Variants in DCC observed in about 807,000 individuals in gnomAD.
DCC encodes netrin receptor DCC.
In DCC, 58 loss-of-function variants were observed where a neutral mutation model predicts 172.5. The observed-to-expected ratio is 0.34, with a 90% CI of 0.27 to 0.42. The LOEUF (loss-of-function observed/expected upper bound fraction) is 0.42, where lower values mean the gene tolerates loss of function less well. DCC is among the 10% of genes least tolerant of loss of function. The probability of loss-of-function intolerance (pLI) is 1.00; values close to 1 mark genes in which losing one functional copy is unlikely to be tolerated. For missense variants in DCC, 1,740 were observed against 1,791.0 expected (o/e 0.97, Z 0.51); for synonymous variants, 709 against 644.5 (o/e 1.10, Z -1.52).
At chr18:52,945,047 G>T (rs144327013) in intron 5 of DCC, among the ~76,000 whole-genome samples, 21 of 152,040 alleles carry the variant, frequency 1.4e-4, no homozygotes, top group African/African-American at 4.8e-4. Flanking sequence ...GCACAATATG[G>T]GATAAATATC....
At chr18:53,265,879 C>T (rs2056667779) in intron 12 of DCC, among the ~76,000 whole-genome samples, 1 of 152,176 alleles carries the variant, frequency 6.6e-6, no homozygotes. Flanking sequence ...TACCTCTGTT[C>T]TTCAAGGTTC....
intron 3 of DCC, among the ~76,000 whole-genome samples, chr18:52,921,432 C>A (rs1443318177): frequency 6.6e-6 from 1 of 152,054 alleles, no homozygotes; most frequent in Non-Finnish European, 1.5e-5. Flanking sequence ...GGCTTGGTGG[C>A]TCACGCCTGT....
chr18:53,505,488 G>T (rs894521289), intron 27 of DCC, among the ~76,000 whole-genome samples: 1 of 152,172 alleles, frequency 6.6e-6, no homozygotes, highest in African/African-American at 2.4e-5. Flanking sequence ...CTTCTTTTGG[G>T]GAGGGAGTGA....
intron 8 of DCC, 113 bp from the exon 9 acceptor site, chr18:53,178,849 T>C (rs1439829581): frequency 6.8e-6 from 7 of 1,031,236 alleles, no homozygotes; most frequent in Admixed American, 5.7e-5. Context: ...GAGTCAACAT[T>C]AGATGAGTGA....
At chr18:52,849,506 A>C (rs1255496476) in intron 2 of DCC, among the ~76,000 whole-genome samples, 4 of 152,240 alleles carry the variant, frequency 2.6e-5, no homozygotes, top group Non-Finnish European at 5.9e-5. Flanking sequence ...TAAATCCAGC[A>C]ACTGTTAACC....
At chr18:53,226,491 G>C (rs2056029783) in intron 12 of DCC, among the ~76,000 whole-genome samples, 1 of 152,148 alleles carries the variant, frequency 6.6e-6, no homozygotes, top group Non-Finnish European at 1.5e-5. Context: ...CAGCGGGACA[G>C]CAGGTTTTTA....
intron 27 of DCC, among the ~76,000 whole-genome samples, chr18:53,507,107 G>A (rs1304474046): frequency 6.6e-6 from 1 of 151,842 alleles, no homozygotes. Context: ...GAAAGACTAT[G>A]AGTAAGAGAA....
At chr18:53,003,016 A>C (rs778182176) in intron 5 of DCC, among the ~76,000 whole-genome samples, 1 of 152,086 alleles carries the variant, frequency 6.6e-6, no homozygotes, top group East Asian at 1.9e-4. Context: ...TAGGACATAT[A>C]TTTTGTTTTG....
chr18:53,078,843 A>C (rs1358215426), intron 7 of DCC, among the ~76,000 whole-genome samples: 1 of 152,142 alleles, frequency 6.6e-6, no homozygotes, highest in Non-Finnish European at 1.5e-5. Context: ...AATTCACTTG[A>C]AATTAAAATG....
intron 9 of DCC, among the ~76,000 whole-genome samples, chr18:53,199,385 C>A (rs1350834802): frequency 1.3e-5 from 2 of 152,106 alleles, no homozygotes; most frequent in Non-Finnish European, 2.9e-5. Context: ...GCCACTGCAT[C>A]CAGCCTCATT....
chr18:53,205,283 C>T lies in DCC; in HGVS notation c.1641C>T (p.Thr547=). The T allele has an allele frequency of 1.9e-6, 3 of 1,613,786 alleles. No individual in the cohort carries two copies. The highest frequency in any genetic ancestry group is 2.2e-5 in the East Asian group (1 of 44,878). The change falls in exon 10 of 29, where the codon ACC becomes ACT. Residue 547 remains threonine, a synonymous_variant. Transcript: ENST00000442544. The stretch of plus-strand genomic sequence containing the variant: ...CCTCACCTACCTCAATTCTTATTAC[C>T]TGGGAACCCCCTGCCTATGCAAACG... ...VSTSPTSILI[T]WEPPAYANGP...
intron 2 of DCC, among the ~76,000 whole-genome samples, chr18:52,810,661 G>A (rs2038178790): frequency 6.6e-6 from 1 of 152,082 alleles, no homozygotes. Context: ...ATGCAAAAAT[G>A]GTCAAAGCAA....
chr18:52,534,354 G>A (rs922830803), intron 1 of DCC, among the ~76,000 whole-genome samples: 2 of 151,892 alleles, frequency 1.3e-5, no homozygotes, highest in African/African-American at 4.8e-5. Flanking sequence ...ATTTAACTTG[G>A]CCAAGTCAGT....
chr18:52,890,315 G>A lies in DCC; in HGVS notation c.413-15729G>A, dbSNP rs532135067. On this transcript the variant is annotated intron_variant, in intron 2 of 28. Coordinates refer to ENST00000442544, the MANE Select transcript of DCC (RefSeq NM_005215.4). ...TTGAACACAGGGTTGGAGCCAGAGG[G>A]AGGCATAGCTGGTGAGGTATACAGG... 5.3e-5 allele frequency among the ~76,000 whole-genome samples: 8 copies of A among 152,180 alleles called. No individual in the cohort carries two copies. The East Asian group carries it at 1.4e-3, about 26-fold the overall frequency.
chr18:53,323,900 A>G lies in DCC; in HGVS notation c.2164+1743A>G, dbSNP rs1180872948. ...ACTGAAAAAGGCCATCAAGAATGAA[A>G]CACAGAGTTGGCATATGATGAAGTT... is the stretch of plus-strand genomic sequence containing the variant. On this transcript the variant is annotated intron_variant, in intron 14 of 28. Transcript: ENST00000442544. 2.6e-5 allele frequency among the ~76,000 whole-genome samples: 4 copies of G among 152,328 alleles called. No homozygotes were observed. In the East Asian group the frequency reaches 7.7e-4, roughly 29 times the overall value.
chr18:52,534,939 T>C (rs1179686581), intron 1 of DCC, among the ~76,000 whole-genome samples: 2 of 152,170 alleles, frequency 1.3e-5, no homozygotes, highest in Non-Finnish European at 2.9e-5. Flanking sequence ...ATAGCTGGAA[T>C]ACAGATATTG....
intron 8 of DCC, among the ~76,000 whole-genome samples, chr18:53,165,215 C>G (rs1038506568): frequency 6.6e-6 from 1 of 152,282 alleles, no homozygotes; most frequent in East Asian, 1.9e-4. Context: ...AGGTCACACA[C>G]TGTTTTGTGG....
At position 52,943,738 on chromosome 18, in the gene DCC, GTT is replaced by G. The variant is rs57468587; in HGVS notation, c.985+18378_985+18379del. 9.8e-5 allele frequency among the ~76,000 whole-genome samples: 8 copies of G among 81,532 alleles called. No homozygotes were observed. The East Asian group carries it at 2.4e-3, about 24-fold the overall frequency. The allele number at this position is 81,532 out of a possible 152,430, so 53.5% of individuals were successfully genotyped here. A position where few individuals can be genotyped will look rare whatever the true frequency, so the allele number is the denominator to read the frequency against. The stretch of plus-strand genomic sequence containing the variant: ...TTTTCCAAAGGACTGGCAATTTATG[GTT>G]TTTTTTTTTGTTTGTTTTGTTTTGT... On this transcript the variant is annotated intron_variant, in intron 5 of 28. Transcript: ENST00000442544.
At chr18:52,553,867 A>G (rs948733844) in intron 1 of DCC, among the ~76,000 whole-genome samples, 1 of 152,100 alleles carries the variant, frequency 6.6e-6, no homozygotes, top group African/African-American at 2.4e-5. Flanking sequence ...TATAATGAAG[A>G]CATAATGATA....
Sources: allele counts gnomAD v4.1 joint callset (sites outside exome capture counted in the v4.1 genomes callset), GRCh38; gene constraint gnomAD v4.1.1; transcripts MANE v1.5; gene names NCBI Gene and HGNC (gene_info 2026-07-23, HGNC 2026-07-21).